SBK1: variants seen among roughly 807,000 people sequenced by gnomAD.
The protein encoded by SBK1 is serine/threonine-protein kinase SBK1.
SBK1 carries 11 observed loss-of-function variants against 24.4 expected under a neutral mutation model. That is an observed-to-expected ratio of 0.45 (90% CI 0.28 to 0.75). The LOEUF is 0.75. SBK1 is among the 30% of genes least tolerant of loss of function. The pLI, the probability that SBK1 is intolerant of heterozygous loss-of-function variation, is 0.12. For synonymous variants in SBK1, 308 were observed against 284.4 expected (o/e 1.08, Z -0.83); for missense variants, 467 against 620.5 (o/e 0.75, Z 2.63).
chr16:28,310,826 A>G (rs551550135), intron 1 of SBK1, among the ~76,000 whole-genome samples: 1 of 152,078 alleles, frequency 6.6e-6, no homozygotes, highest in Non-Finnish European at 1.5e-5. Flanking sequence ...CATGGTAGGG[A>G]TGGGGAAGCA....
chr16:28,282,823 C>CTG (rs10701276), intron 1 of SBK1, among the ~76,000 whole-genome samples: 81,509 of 151,906 alleles, frequency 0.54, 22,877 homozygotes, highest in African/African-American at 0.61. Context: ...TGAGCTTCCT[C>CTG]AGAATCCCCA....
At chr16:28,318,932 G>C in intron 2 of SBK1, 63 bp from the exon 3 acceptor site, 1 of 1,210,278 alleles carries the variant, frequency 8.3e-7, no homozygotes, top group East Asian at 2.3e-5. Context: ...ACAGGCATGG[G>C]TGCATCCAGT....
chr16:28,281,971 C>A (rs181940701), intron 1 of SBK1, among the ~76,000 whole-genome samples: 5 of 152,196 alleles, frequency 3.3e-5, no homozygotes, highest in African/African-American at 1.2e-4. Flanking sequence ...TCCTGTTCCT[C>A]CTCTGAGGGT....
chr16:28,320,892 C>G lies in SBK1; in HGVS notation c.1246C>G (p.Leu416Val). 2.7e-6 allele frequency: 4 copies of G among 1,500,014 alleles called. No homozygotes were observed. Among genetic ancestry groups the G allele is most frequent in the Non-Finnish European group, 3.5e-6 (4 of 1,129,712 alleles). The allele number at this position is 1,500,014 out of a possible 1,614,324, so 92.9% of individuals were successfully genotyped here. A position where few individuals can be genotyped will look rare whatever the true frequency, so the allele number is the denominator to read the frequency against. ...RADKSKGQVVLATAIEICV is the reference protein window; with the variant it reads ...RADKSKGQVVVATAIEICV ...GGACAAGAGCAAAGGGCAGGTGGTG[C>G]TGGCCACGGCCATCGAGATCTGCGT... Residue 416 changes from leucine to valine, a missense_variant, in exon 4 of 4, where the codon CTG (leucine) becomes GTG (valine). Physicochemically the swap from Leu to Val is conservative, Grantham distance 32. Around this residue, in one of 4 missense-constraint regions of SBK1, gnomAD observed 166 missense variants for 146.8 expected, o/e 1.13. Transcript: ENST00000341901. This position sits in a 1 kb window ranked among gnomAD's most constrained non-coding sequence, Gnocchi z 8.5.
rs150692741 is a variant in SBK1 at position 28,297,108 on chromosome 16, T to G, written c.-8+3808T>G. ...ACTTTGGGAGGCTGAGACAGGTGGA[T>G]CATTTGAGGTCAGGAGTTTGCGACC... On this transcript the variant is annotated intron_variant, in intron 1 of 3. Transcript: ENST00000341901. Among the ~76,000 whole-genome samples, 277 of 152,154 alleles carry G rather than the reference T, an allele frequency of 1.8e-3. 1 individual carries two copies. Among genetic ancestry groups the G allele is most frequent in the South Asian group, 0.014 (66 of 4,814 alleles).
chr16:28,284,543 G>C (rs1305612842), intron 1 of SBK1, among the ~76,000 whole-genome samples: 7 of 152,262 alleles, frequency 4.6e-5, no homozygotes, highest in Non-Finnish European at 5.9e-5. Flanking sequence ...GGAGGTCAGG[G>C]TGGCGGGGCC....
At chr16:28,260,084 T>TTGTGTGTG (rs71140958) in intron 1 of SBK1, among the ~76,000 whole-genome samples, 4,050 of 149,900 alleles carry the variant, frequency 0.027, 110 homozygotes, top group Middle Eastern at 0.092. Flanking sequence ...GTGTATTTGC[T>TTGTGTGTG]TGTGTGTGTG....
chr16:28,291,487 C>T (rs1325316887), upstream of SBK1: 3 of 151,274 alleles, frequency 2.0e-5, no homozygotes, highest in African/African-American at 7.3e-5. Flanking sequence ...TGCATATGTA[C>T]CCTAAAACTT....
chr16:28,321,318 T>C lies in SBK1; in HGVS notation c.*397T>C, dbSNP rs1051456181. The stretch of plus-strand genomic sequence containing the variant: ...GAACCCGGACTCGTTGCTCCTGGCC[T>C]TCCATACCCCCTGGCAGATCATCCT... On this transcript the variant is annotated 3_prime_UTR_variant, in exon 4 of 4. Transcript: ENST00000341901. 2 of 157,838 alleles carry C rather than the reference T, an allele frequency of 1.3e-5. No individual in the cohort carries two copies. Among genetic ancestry groups the C allele is most frequent in the African/African-American group, 4.9e-5 (2 of 41,128 alleles). 9.8% of individuals were successfully genotyped at this position (157,838 alleles called of 1,614,324 possible).
At position 28,308,523 on chromosome 16, in the gene SBK1, A is replaced by T. The variant is rs116004219; in HGVS notation, c.-7-8862A>T. ...ACTCTGTTGAGACCTCCCAGGCTTA[A>T]GCGATCCTTTCACCTCAGCCTCCCA... On this transcript the variant is annotated intron_variant, in intron 1 of 3. Transcript: ENST00000341901. 5.9e-3 allele frequency among the ~76,000 whole-genome samples: 746 copies of T among 127,184 alleles called. 10 individuals are homozygous for T. Among genetic ancestry groups the T allele is most frequent in the African/African-American group, 0.021 (696 of 32,898 alleles). The allele number at this position is 127,184 out of a possible 152,430, so 83.4% of individuals were successfully genotyped here. A position where few individuals can be genotyped will look rare whatever the true frequency, so the allele number is the denominator to read the frequency against.
chr16:28,265,344 G>A (rs1338574309), intron 1 of SBK1, among the ~76,000 whole-genome samples: 2 of 152,060 alleles, frequency 1.3e-5, no homozygotes, highest in African/African-American at 2.4e-5. Flanking sequence ...GCTTGAACTT[G>A]GGAGGTCGAG....
chr16:28,301,260 A>G (rs1469490880), intron 1 of SBK1, among the ~76,000 whole-genome samples: 2 of 152,218 alleles, frequency 1.3e-5, no homozygotes, highest in Non-Finnish European at 2.9e-5. Context: ...GATAGGACCC[A>G]GGACCCCTGC....
intron 1 of SBK1, among the ~76,000 whole-genome samples, chr16:28,296,496 C>T (rs980251357): frequency 6.6e-6 from 1 of 152,132 alleles, no homozygotes; most frequent in African/African-American, 2.4e-5. Context: ...CCTTGGCCTC[C>T]CAAAATGCTG....
At chr16:28,316,399 T>C (rs2044796367) in intron 1 of SBK1, among the ~76,000 whole-genome samples, 1 of 152,160 alleles carries the variant, frequency 6.6e-6, no homozygotes. Context: ...TGGCAGGGAA[T>C]CCTAGGTGTT....
At position 28,280,350 on chromosome 16, in the gene SBK1, AAT is replaced by A. The variant is rs535039780; in HGVS notation, c.257+20863_257+20864del. 4.9e-3 allele frequency among the ~76,000 whole-genome samples: 687 copies of A among 139,464 alleles called. 3 individuals are homozygous for A. The highest frequency in any genetic ancestry group is 0.017 in the African/African-American group (656 of 38,140). 91.5% of individuals were successfully genotyped at this position (139,464 alleles called of 152,430 possible). A position where few individuals can be genotyped will look rare whatever the true frequency, so the allele number is the denominator to read the frequency against. On this transcript the variant is annotated intron_variant, in intron 1 of 3. Coordinates refer to the SBK1 transcript ENST00000671413. ...CGTACATATGTATATATATATATAA[AAT>A]ATATATATATATATTTGTTTGTTTC...
upstream of SBK1, among the ~76,000 whole-genome samples, chr16:28,292,329 G>C (rs924805299): frequency 1.5e-3 from 220 of 145,666 alleles, 2 homozygotes; most frequent in African/African-American, 1.2e-3. Flanking sequence ...CGGCCGGAAG[G>C]GGGTGGGGGC....
At chr16:28,284,392 G>A (rs1370826144) in intron 1 of SBK1, among the ~76,000 whole-genome samples, 1 of 152,218 alleles carries the variant, frequency 6.6e-6, no homozygotes, top group Non-Finnish European at 1.5e-5. Context: ...GGAAGTCCAG[G>A]GGATGCCCCC....
At chr16:28,275,700 C>T (rs948781483) in intron 1 of SBK1, among the ~76,000 whole-genome samples, 8 of 151,982 alleles carry the variant, frequency 5.3e-5, no homozygotes, top group African/African-American at 9.7e-5. Flanking sequence ...GGCAACATGA[C>T]GAAACCCTGA....
At chr16:28,292,095 A>G (rs2044602677), upstream of SBK1, 1 of 151,954 alleles carries the variant, frequency 6.6e-6, no homozygotes, top group East Asian at 1.9e-4. Flanking sequence ...TCCCTCCTTC[A>G]AACACACACA....
Sources: allele counts gnomAD v4.1 joint callset (sites outside exome capture counted in the v4.1 genomes callset), GRCh38; gene constraint gnomAD v4.1.1; regional missense constraint gnomAD v4.1.1; non-coding constraint Gnocchi (gnomAD v3.1); transcripts MANE v1.5; gene names NCBI Gene and HGNC (gene_info 2026-07-23, HGNC 2026-07-21).